ITGA4: variants seen among roughly 807,000 people sequenced by gnomAD.
ITGA4 encodes integrin alpha-4.
In ITGA4, 63 loss-of-function variants were observed where a neutral mutation model predicts 133.6. That is an observed-to-expected ratio of 0.47 (90% CI 0.38 to 0.58). The LOEUF (loss-of-function observed/expected upper bound fraction) is 0.58, where lower values mean the gene tolerates loss of function less well. Ranked by LOEUF, ITGA4 falls within the 20% of genes least tolerant of loss-of-function variation. The pLI, the probability that ITGA4 is intolerant of heterozygous loss-of-function variation, is 0.00. For missense variants in ITGA4, 1,076 were observed against 1,252.7 expected, an observed-to-expected ratio of 0.86 and a Z score of 2.13; for synonymous variants, 483 against 438.0, an observed-to-expected ratio of 1.10 and a Z score of -1.28.
At chr2:181,478,638 A>G (rs887514665) in intron 4 of ITGA4, 119 bp from the exon 5 acceptor site, 1 of 447,526 alleles carries the variant, frequency 2.2e-6, no homozygotes, top group African/African-American at 2.0e-5. Context: ...ACTGGTTTTT[A>G]TTTTTAAAAA....
Position 181,495,445 on chromosome 2 carries a change from T to C in ITGA4, c.1385+29T>C. 4 of 1,550,526 alleles carry C rather than the reference T, an allele frequency of 2.6e-6. No individual in the cohort carries two copies. Among genetic ancestry groups the C allele is most frequent in the Non-Finnish European group, 2.7e-6 (3 of 1,122,532 alleles). On this transcript the variant is annotated intron_variant, in intron 13 of 27. Transcript: ENST00000397033. The surrounding 1 kb of genome is among the most constrained non-coding windows in gnomAD (Gnocchi z 4.3). ...AGACTGATATATTTCACTGCTTAAT[T>C]GCAATTTGGTTTAATTGTAAAATGA...
Position 181,461,571 on chromosome 2 carries a change from A to G in ITGA4, c.319+3254A>G, listed in dbSNP as rs891442083. Among the ~76,000 whole-genome samples the G allele has an allele frequency of 2.6e-5, 4 of 152,282 alleles. No individual in the cohort carries two copies. In the East Asian group the frequency reaches 7.7e-4, roughly 29 times the overall value. ...CTGGTTCCTAAATTAAGGTGTCACA[A>G]ATAATGACTCAATTAATATAGTTAA... On this transcript the variant is annotated intron_variant, in intron 2 of 27. Transcript: ENST00000397033.
At chr2:181,459,527 A>G (rs1296273674) in intron 2 of ITGA4, 1 of 152,196 alleles carries the variant, frequency 6.6e-6, no homozygotes, top group Non-Finnish European at 1.5e-5. Context: ...GTATAAACAT[A>G]ATGGAATTTT....
chr2:181,491,210 T>C (rs1686044631), intron 10 of ITGA4, among the ~76,000 whole-genome samples: 1 of 152,240 alleles, frequency 6.6e-6, no homozygotes, highest in South Asian at 2.1e-4. Flanking sequence ...ATATTTGCCT[T>C]AATCTAGATC....
In ITGA4 at chr2:181,495,355, G is replaced by GT; in HGVS notation, c.1340-10dup. Reference sequence around the variant, plus strand: ...CTAATGATGATCATTAATCTGTGTTGTTTTTTATCCTCCAGATGTAGCAGT... The same window carrying GT: ...CTAATGATGATCATTAATCTGTGTTGTTTTTTTATCCTCCAGATGTAGCAGT... On this transcript the variant is annotated splice_polypyrimidine_tract_variant and intron_variant, in intron 12 of 27. Transcript: ENST00000397033. This position sits in a 1 kb window ranked among gnomAD's most constrained non-coding sequence, Gnocchi z 4.3. The GT allele has an allele frequency of 6.9e-6, 11 of 1,599,862 alleles. No individual in the cohort carries two copies. Among genetic ancestry groups the GT allele is most frequent in the Non-Finnish European group, 9.4e-6 (11 of 1,167,324 alleles).
chr2:181,530,518 T>C lies in ITGA4; in HGVS notation c.2539-6T>C. ...ATAAGATTTCTCTTGCTTTCTGTCT[T>C]CATAGACTACTACTGGAGAATGCCA... is the stretch of plus-strand genomic sequence containing the variant. On this transcript the variant is annotated splice_region_variant and splice_polypyrimidine_tract_variant and intron_variant, in intron 23 of 27. Coordinates refer to ENST00000397033, the MANE Select transcript of ITGA4 (RefSeq NM_000885.6). 6.2e-7 allele frequency: 1 copy of C among 1,609,630 alleles called. No homozygotes were observed. Among genetic ancestry groups the C allele is most frequent in the Non-Finnish European group, 8.5e-7 (1 of 1,177,056 alleles).
intron 10 of ITGA4, among the ~76,000 whole-genome samples, chr2:181,487,825 C>T (rs937016619): frequency 1.3e-5 from 2 of 152,108 alleles, no homozygotes; most frequent in Non-Finnish European, 2.9e-5. Flanking sequence ...TACTTGAAAA[C>T]ATAAGCCTTA....
intron 4 of ITGA4, chr2:181,475,708 C>A: frequency 2.9e-6 from 4 of 1,379,220 alleles, no homozygotes; most frequent in South Asian, 2.9e-5. Context: ...GTAAGCAAAT[C>A]TTTCATTCGC....
At chr2:181,494,098 C>T (rs536952299) in intron 11 of ITGA4, among the ~76,000 whole-genome samples, 31 of 152,132 alleles carry the variant, frequency 2.0e-4, no homozygotes, top group Admixed American at 1.4e-3. Context: ...TTTCTTAGCA[C>T]GAATATCAGC....
At position 181,458,510 on chromosome 2, in the gene ITGA4, C is replaced by T. The variant is rs1231510921; in HGVS notation, c.319+193C>T. 16 of 635,734 alleles carry T rather than the reference C, an allele frequency of 2.5e-5. No homozygotes were observed. In the East Asian group the frequency reaches 3.9e-4, roughly 16 times the overall value. The allele number at this position is 635,734 out of a possible 1,614,324, so 39.4% of individuals were successfully genotyped here. On this transcript the variant is annotated intron_variant, in intron 2 of 27. Transcript: ENST00000397033. The stretch of plus-strand genomic sequence containing the variant: ...TTCCCTTTCTGTTAATATCGTTCTC[C>T]CTTTTCCTTATGGCAATGATTGCAG...
intron 21 of ITGA4, among the ~76,000 whole-genome samples, chr2:181,526,007 C>T (rs1686824394): frequency 6.6e-6 from 1 of 152,200 alleles, no homozygotes; most frequent in African/African-American, 2.4e-5. Flanking sequence ...ACAGATGAGC[C>T]TTTCCTGTTG....
At chr2:181,468,271 T>C (rs538881591) in intron 2 of ITGA4, among the ~76,000 whole-genome samples, 20 of 152,234 alleles carry the variant, frequency 1.3e-4, no homozygotes, top group Non-Finnish European at 2.6e-4. Context: ...TGTCTTAAAA[T>C]TGAAGAAAAT....
chr2:181,485,553 G>A lies in ITGA4; in HGVS notation c.1042-328G>A, dbSNP rs187881795. Among the ~76,000 whole-genome samples, 434 of 152,112 alleles carry A rather than the reference G, an allele frequency of 2.9e-3. 4 individuals carry two copies. The highest frequency in any genetic ancestry group is 7.6e-3 in the African/African-American group (317 of 41,510). ...CTGCCTTGCCCCTTTTCACCTTTTC[G>A]CTCTTTGCACAGTGTGTTGTCTTTA... On this transcript the variant is annotated intron_variant, in intron 9 of 27. Transcript: ENST00000397033.
intron 2 of ITGA4, among the ~76,000 whole-genome samples, chr2:181,463,230 G>A (rs10930969): frequency 0.15 from 23,028 of 152,136 alleles, 2,057 homozygotes; most frequent in Middle Eastern, 0.24. Context: ...TGGAGTGTGA[G>A]CTAAACTGTA....
intron 17 of ITGA4, among the ~76,000 whole-genome samples, chr2:181,519,392 A>G (rs1686672736): frequency 6.6e-6 from 1 of 152,150 alleles, no homozygotes; most frequent in Admixed American, 6.6e-5. Flanking sequence ...TGTATTCATA[A>G]AAAATATTGA....
intron 17 of ITGA4, among the ~76,000 whole-genome samples, chr2:181,519,595 A>T (rs982283747): frequency 3.9e-5 from 6 of 152,152 alleles, no homozygotes; most frequent in African/African-American, 1.4e-4. Flanking sequence ...TCATAAGAAT[A>T]ACTCTCAAAA....
At chr2:181,502,237 C>T (rs542726446) in intron 15 of ITGA4, among the ~76,000 whole-genome samples, 11 of 151,796 alleles carry the variant, frequency 7.2e-5, no homozygotes, top group Admixed American at 2.6e-4. Context: ...AGTGGGGGAA[C>T]GGGGGGAAGG....
chr2:181,462,385 T>C (rs189712186), intron 2 of ITGA4, among the ~76,000 whole-genome samples: 29 of 152,322 alleles, frequency 1.9e-4, no homozygotes, highest in Non-Finnish European at 3.8e-4. Context: ...TTTGAAAGAA[T>C]TTAATTAGCA....
At chr2:181,466,935 G>C (rs1000341904) in intron 2 of ITGA4, among the ~76,000 whole-genome samples, 15 of 152,044 alleles carry the variant, frequency 9.9e-5, no homozygotes, top group African/African-American at 3.6e-4. Flanking sequence ...GCATACACAA[G>C]CATAAGTTTT....
Sources: allele counts gnomAD v4.1 joint callset (sites outside exome capture counted in the v4.1 genomes callset), GRCh38; gene constraint gnomAD v4.1.1; non-coding constraint Gnocchi (gnomAD v3.1); transcripts MANE v1.5; gene names NCBI Gene and HGNC (gene_info 2026-07-23, HGNC 2026-07-21).